NT5C2: variants seen among roughly 807,000 people sequenced by gnomAD.
NT5C2 encodes the protein cytosolic purine 5'-nucleotidase.
A neutral mutation model predicts 76.1 loss-of-function variants in NT5C2; 58 were observed. That is an observed-to-expected ratio of 0.76 (90% CI 0.62 to 0.95). The LOEUF is 0.95. Ranked by LOEUF, NT5C2 falls within the 40% of genes least tolerant of loss-of-function variation. NT5C2 has a pLI of 0.00. For synonymous variants in NT5C2, 229 were observed against 237.4 expected, an observed-to-expected ratio of 0.96 and a Z score of 0.32; for missense variants, 478 against 690.3, an observed-to-expected ratio of 0.69 and a Z score of 3.45.
At chr10:103,171,879 C>T (rs2088110878) in intron 3 of NT5C2, among the ~76,000 whole-genome samples, 3 of 152,022 alleles carry the variant, frequency 2.0e-5, no homozygotes, top group African/African-American at 7.2e-5. Flanking sequence ...AGCAACACAG[C>T]AAGACCCCGT....
At chr10:103,134,882 A>T (rs950514959) in intron 4 of NT5C2, among the ~76,000 whole-genome samples, 33 of 152,172 alleles carry the variant, frequency 2.2e-4, no homozygotes, top group African/African-American at 7.5e-4. Flanking sequence ...GTCAAAATAT[A>T]TCATTTTGGA....
chr10:103,183,591 C>G (rs1157973801), intron 1 of NT5C2, among the ~76,000 whole-genome samples: 2 of 147,366 alleles, frequency 1.4e-5, no homozygotes, highest in Non-Finnish European at 3.0e-5. Context: ...TCTCAGCTCA[C>G]TGCAAGCTCT....
intron 1 of NT5C2, among the ~76,000 whole-genome samples, chr10:103,187,489 T>C (rs1433949861): frequency 6.6e-6 from 1 of 150,400 alleles, no homozygotes; most frequent in African/African-American, 2.5e-5. Flanking sequence ...GAGGCAGAGG[T>C]TGCAGTGAGC....
At chr10:103,114,273 A>T (rs1224476364) in intron 4 of NT5C2, among the ~76,000 whole-genome samples, 1 of 152,104 alleles carries the variant, frequency 6.6e-6, no homozygotes, top group Non-Finnish European at 1.5e-5. Flanking sequence ...AACAAAAAAA[A>T]TTAGCCGAGT....
intron 3 of NT5C2, among the ~76,000 whole-genome samples, chr10:103,144,865 T>C (rs7067741): frequency 0.016 from 2,412 of 152,342 alleles, 61 homozygotes; most frequent in African/African-American, 0.054. Context: ...ATATCCTTTA[T>C]CTTTCCATTT....
intron 4 of NT5C2, among the ~76,000 whole-genome samples, chr10:103,115,441 C>T (rs1316757667): frequency 6.6e-6 from 1 of 151,920 alleles, no homozygotes; most frequent in Non-Finnish European, 1.5e-5. Context: ...ATGCTGGGAG[C>T]GAAAAATTCA....
intron 3 of NT5C2, among the ~76,000 whole-genome samples, chr10:103,157,846 G>A (rs760722220): frequency 6.5e-4 from 99 of 151,976 alleles, no homozygotes; most frequent in Non-Finnish European, 8.8e-5. Context: ...AGGCTGAGGC[G>A]GACAGATCGT....
intron 4 of NT5C2, among the ~76,000 whole-genome samples, chr10:103,132,041 G>C (rs1338087140): frequency 6.6e-6 from 1 of 152,110 alleles, no homozygotes. Flanking sequence ...AGGAGTTCGA[G>C]ACCAGCCTGA....
chr10:103,159,953 A>G (rs1038054696), intron 3 of NT5C2, among the ~76,000 whole-genome samples: 6 of 152,198 alleles, frequency 3.9e-5, no homozygotes, highest in Admixed American at 2.0e-4. Context: ...AGAATAGCCA[A>G]AACAATCTTG....
At position 103,093,314 on chromosome 10, in the gene NT5C2, A is replaced by G. The variant is rs559417920; in HGVS notation, c.989-5T>C. 4.5e-6 allele frequency: 7 copies of G among 1,547,844 alleles called. No homozygotes were observed. Among genetic ancestry groups the G allele is most frequent in the African/African-American group, 1.4e-5 (1 of 71,920 alleles). ...CACAGATCGTATCAGAAGAACCTGA[A>G]CCAACAGAGTGAACAATGAGAAAAC... On this transcript the variant is annotated splice_polypyrimidine_tract_variant and splice_region_variant and intron_variant, in intron 14 of 18. Transcript: ENST00000404739.
At position 103,089,959 on chromosome 10, in the gene NT5C2, ACT is replaced by A; in HGVS notation, c.1450-53_1450-52del. The stretch of plus-strand genomic sequence containing the variant: ...AGAAAGCAGGCAGAGCAAAGTAGCT[ACT>A]CCCCAAATCCTAACCCCTCTCCTCT... On this transcript the variant is annotated intron_variant, in intron 18 of 18. Coordinates refer to ENST00000404739, the MANE Select transcript of NT5C2 (RefSeq NM_001351169.2). 2 of 1,479,542 alleles carry A rather than the reference ACT, an allele frequency of 1.4e-6. 1 individual carries two copies. The highest frequency in any genetic ancestry group is 2.6e-5 in the South Asian group (2 of 75,510). 91.7% of individuals were successfully genotyped at this position (1,479,542 alleles called of 1,614,324 possible).
At chr10:103,146,083 A>T (rs1301963571) in intron 3 of NT5C2, 1 of 985,296 alleles carries the variant, frequency 1.0e-6, no homozygotes, top group Non-Finnish European at 1.2e-6. Context: ...TGAGTCAACT[A>T]GTTCTTGAAG....
rs926234304 is a variant in NT5C2 at position 103,091,510 on chromosome 10, T to C, written c.1211+54A>G. The C allele has an allele frequency of 2.8e-5, 37 of 1,334,602 alleles. No homozygotes were observed. In the East Asian group the frequency reaches 7.1e-4, roughly 26 times the overall value. The allele number at this position is 1,334,602 out of a possible 1,614,324, so 82.7% of individuals were successfully genotyped here. On this transcript the variant is annotated intron_variant, in intron 16 of 18. Coordinates refer to ENST00000404739, the MANE Select transcript of NT5C2 (RefSeq NM_001351169.2). Reference sequence around the variant, plus strand: ...ACTGGCCTGGAAAGAACATTTCTTATATCTAAGTGATTCCTGAGTAAGTTT... The same window carrying C: ...ACTGGCCTGGAAAGAACATTTCTTACATCTAAGTGATTCCTGAGTAAGTTT...
chr10:103,165,354 G>A (rs193125936), intron 3 of NT5C2, among the ~76,000 whole-genome samples: 152 of 152,166 alleles, frequency 1.0e-3, no homozygotes, highest in African/African-American at 2.8e-3. Flanking sequence ...TTAGCCTGGC[G>A]TGCTGGCACA....
intron 1 of NT5C2, among the ~76,000 whole-genome samples, chr10:103,182,708 C>A (rs936691791): frequency 2.6e-5 from 4 of 152,042 alleles, no homozygotes; most frequent in African/African-American, 9.7e-5. Context: ...GAACACTGCC[C>A]TAAAACTTAC....
intron 18 of NT5C2, chr10:103,090,220 CCA>C (rs2066370140): frequency 2.9e-6 from 1 of 339,970 alleles, no homozygotes; most frequent in Non-Finnish European, 5.3e-6. Flanking sequence ...AATGTAAAAA[CCA>C]CATTTTCTTT....
At position 103,192,957 on chromosome 10, in the gene NT5C2, GC is replaced by G. The variant is rs1564687304; in HGVS notation, c.-169+278del. 6.6e-5 allele frequency among the ~76,000 whole-genome samples: 10 copies of G among 152,274 alleles called. No individual in the cohort carries two copies. The East Asian group carries it at 1.9e-3, about 30-fold the overall frequency. On this transcript the variant is annotated intron_variant, in intron 1 of 18. Coordinates refer to ENST00000404739, the MANE Select transcript of NT5C2 (RefSeq NM_001351169.2). ...CGGCGGCTGGGAAACAATGGCGCGA[GC>G]GTGACGTGGGCCGGAGGCGTCGCGG...
At chr10:103,138,664 C>T (rs796696806) in intron 4 of NT5C2, among the ~76,000 whole-genome samples, 4 of 152,310 alleles carry the variant, frequency 2.6e-5, no homozygotes, top group Admixed American at 6.5e-5. Context: ...ATACATACTA[C>T]GTGTGCAATC....
chr10:103,125,232 T>C, intron 4 of NT5C2: 1 of 773,856 alleles, frequency 1.3e-6, no homozygotes, highest in Non-Finnish European at 2.2e-6. Context: ...ACTACAATTT[T>C]CCCAGCTCTG....
Sources: allele counts gnomAD v4.1 joint callset (sites outside exome capture counted in the v4.1 genomes callset), GRCh38; gene constraint gnomAD v4.1.1; transcripts MANE v1.5; gene names NCBI Gene and HGNC (gene_info 2026-07-23, HGNC 2026-07-21).